STAG2: variants seen among roughly 807,000 people sequenced by gnomAD.
STAG2 encodes the protein STAG2 cohesin complex component.
In STAG2, 14 loss-of-function variants were observed where a neutral mutation model predicts 108.1. That is an observed-to-expected ratio of 0.13 (90% CI 0.09 to 0.20). The LOEUF (loss-of-function observed/expected upper bound fraction) is 0.20. Ranked by LOEUF, STAG2 falls within the 10% of genes least tolerant of loss-of-function variation. The probability of loss-of-function intolerance (pLI) is 1.00; values close to 1 mark genes in which losing one functional copy is unlikely to be tolerated. For missense variants in STAG2, 440 were observed against 940.9 expected (o/e 0.47, Z 6.96); for synonymous variants, 307 against 302.7 (o/e 1.01, Z -0.15).
intron 1 of STAG2, among the ~76,000 whole-genome samples, chrX:123,999,737 C>T (rs1263968618): frequency 3.6e-5 from 4 of 110,864 alleles, no homozygotes; most frequent in African/African-American, 1.3e-4. Context: ...GCCTCAGCCT[C>T]CTGAGTAGCT....
intron 23 of STAG2, 89 bp from the exon 24 acceptor site, chrX:124,068,475 A>C: frequency 1.9e-6 from 1 of 527,843 alleles, no homozygotes; most frequent in African/African-American, 2.5e-5. Context: ...AAGCTATGAG[A>C]TAATGTTTTA....
At chrX:124,051,652 A>G (rs763606892) in intron 13 of STAG2, among the ~76,000 whole-genome samples, 45 of 108,237 alleles carry the variant, frequency 4.2e-4, no homozygotes, top group Non-Finnish European at 7.1e-4. Flanking sequence ...GTGCAGTGGT[A>G]CGATCTCAGC....
intron 1 of STAG2, among the ~76,000 whole-genome samples, chrX:123,991,445 C>T (rs922101168): frequency 2.7e-5 from 3 of 110,108 alleles, no homozygotes; most frequent in African/African-American, 9.9e-5. Flanking sequence ...CTCCGCCTCC[C>T]GGGTTCAAAT....
At chrX:124,037,119 C>G (rs2057542977) in intron 5 of STAG2, among the ~76,000 whole-genome samples, 1 of 111,399 alleles carries the variant, frequency 9.0e-6, no homozygotes, top group Admixed American at 9.6e-5. Flanking sequence ...CTCCTAACTT[C>G]AAGTGATCCA....
chrX:123,967,446 G>A (rs2054154730), intron 1 of STAG2, among the ~76,000 whole-genome samples: 2 of 108,246 alleles, frequency 1.8e-5, no homozygotes, highest in African/African-American at 6.8e-5. Flanking sequence ...TGTACTTTTA[G>A]TAGAGACGGG....
At chrX:123,974,521 C>G (rs1468874428) in intron 1 of STAG2, among the ~76,000 whole-genome samples, 1 of 107,651 alleles carries the variant, frequency 9.3e-6, no homozygotes, top group Non-Finnish European at 1.9e-5. Flanking sequence ...GCTACCGTGC[C>G]TGGCCCCATG....
intron 1 of STAG2, among the ~76,000 whole-genome samples, chrX:123,978,589 C>G (rs949123893): frequency 9.0e-6 from 1 of 111,198 alleles, no homozygotes; most frequent in African/African-American, 3.3e-5. Flanking sequence ...ATCTTTGATC[C>G]TCAAGATTCC....
chrX:124,048,968 C>T, intron 9 of STAG2, 37 bp from the exon 10 acceptor site: 1 of 1,115,370 alleles, frequency 9.0e-7, no homozygotes, highest in Non-Finnish European at 1.2e-6. Context: ...GGTTGTCTTC[C>T]TTTACAATTG....
chrX:124,086,419 A>G, intron 29 of STAG2, 128 bp from the exon 30 acceptor site: 2 of 481,176 alleles, frequency 4.2e-6, no homozygotes, highest in Non-Finnish European at 7.0e-6. Flanking sequence ...CAGAGACAAC[A>G]TTGTTCATTA....
chrX:123,961,217 C>T (rs1320836142), upstream of STAG2: 1 of 107,531 alleles, frequency 9.3e-6, no homozygotes, highest in Non-Finnish European at 1.9e-5. Flanking sequence ...CTTTCTACCG[C>T]AGGGCTCTTC....
At chrX:124,041,319 A>G (rs2057711203) in intron 6 of STAG2, among the ~76,000 whole-genome samples, 1 of 109,479 alleles carries the variant, frequency 9.1e-6, no homozygotes, top group Non-Finnish European at 1.9e-5. Context: ...ATTTAGGTGA[A>G]TAGTCTCAGA....
Position 124,071,189 on chromosome X carries a change from A to G in STAG2, c.2399A>G (p.His800Arg). ...ILCDILMIFS[H>R]QIMSGGRDML... ...TGTGATATTTTGATGATCTTCAGCC[A>G]TCAGATTATGTCAGGAGGGCGTGAC... The change falls in exon 25 of 35, where the codon CAT (histidine) becomes CGT (arginine). Residue 800 changes from histidine (H) to arginine (R), a missense_variant. His to Arg is a conservative substitution (Grantham distance 29, BLOSUM62 0). This residue lies in a region of STAG2 where 337 missense variants were observed against 649.3 expected (regional missense o/e 0.52). Coordinates refer to ENST00000371145, the MANE Select transcript of STAG2 (RefSeq NM_001042750.2). 1 of 1,197,064 alleles carries G rather than the reference A, an allele frequency of 8.4e-7. No individual in the cohort carries two copies. The highest frequency in any genetic ancestry group is 3.0e-5 in the East Asian group (1 of 33,240).
At chrX:124,095,128 C>T (rs1323571977) in intron 33 of STAG2, among the ~76,000 whole-genome samples, 1 of 111,678 alleles carries the variant, frequency 9.0e-6, no homozygotes, top group South Asian at 3.7e-4. Context: ...CGGGTTTCAC[C>T]GTGTTAGCCA....
At chrX:124,048,802 A>G (rs1005666272) in intron 9 of STAG2, among the ~76,000 whole-genome samples, 2 of 111,660 alleles carry the variant, frequency 1.8e-5, no homozygotes, top group African/African-American at 6.5e-5. Context: ...TAAAATCCCA[A>G]TCAAATATTT....
At position 123,996,565 on chromosome X, in the gene STAG2, G is replaced by A. The variant is rs149287306; in HGVS notation, c.-162-24802G>A. Among the ~76,000 whole-genome samples, 794 of 110,621 alleles carry A rather than the reference G, an allele frequency of 7.2e-3. 7 individuals are homozygous for A. The highest frequency in any genetic ancestry group is 0.025 in the African/African-American group (747 of 30,431). On this transcript the variant is annotated intron_variant, in intron 1 of 34. Transcript: ENST00000371145. ...AGTCCTTCTTTCCTCCCCAACCATA[G>A]CCCCTGGCAACCACTGATTTCTTTC...
At chrX:124,064,167 A>G (rs2058455328) in intron 20 of STAG2, 116 bp downstream of exon 20, 3 of 524,962 alleles carry the variant, frequency 5.7e-6, no homozygotes, top group Non-Finnish European at 9.2e-6. Flanking sequence ...TTTTGAAAAG[A>G]TGTTCAGGCT....
intron 1 of STAG2, among the ~76,000 whole-genome samples, chrX:124,008,383 T>G (rs913063483): frequency 2.7e-5 from 3 of 109,998 alleles, no homozygotes; most frequent in African/African-American, 9.9e-5. Flanking sequence ...CTGGCTAATT[T>G]TTGTATTTTA....
intron 32 of STAG2, 116 bp from the exon 33 acceptor site, chrX:124,093,902 A>G: frequency 1.3e-6 from 1 of 797,567 alleles, no homozygotes; most frequent in East Asian, 3.3e-5. Context: ...ATTCTCCCTG[A>G]CCTTTAATTC....
intron 5 of STAG2, among the ~76,000 whole-genome samples, chrX:124,031,981 C>T (rs1017925606): frequency 4.8e-4 from 51 of 105,353 alleles, no homozygotes; most frequent in African/African-American, 1.5e-3. Context: ...CCACCTGCCT[C>T]GGCCTCCCAA....
Sources: allele counts gnomAD v4.1 joint callset (sites outside exome capture counted in the v4.1 genomes callset), GRCh38; gene constraint gnomAD v4.1.1; regional missense constraint gnomAD v4.1.1; transcripts MANE v1.5; gene names NCBI Gene and HGNC (gene_info 2026-07-23, HGNC 2026-07-21).